Variants in FNBP1 observed in about 807,000 individuals in gnomAD.
FNBP1 encodes formin binding protein 1, also known as formin-binding protein 1.
FNBP1 carries 26 observed loss-of-function variants against 90.6 expected under a neutral mutation model. The ratio of observed to expected loss-of-function variants is 0.29; its 90% confidence interval spans 0.21 to 0.40. The LOEUF is 0.40. Ranked by LOEUF, FNBP1 falls within the 10% of genes least tolerant of loss-of-function variation. FNBP1 has a pLI of 1.00. For missense variants in FNBP1, 635 were observed against 768.0 expected (o/e 0.83, Z 2.05); for synonymous variants, 260 against 265.2 (o/e 0.98, Z 0.19).
chr9:130,042,564 C>T lies in FNBP1; in HGVS notation c.24+388G>A, dbSNP rs2132473557. Among the ~76,000 whole-genome samples the T allele has an allele frequency of 6.6e-6, 1 of 151,892 alleles. No individual in the cohort carries two copies. Among genetic ancestry groups the T allele is most frequent in the Non-Finnish European group, 1.5e-5 (1 of 67,904 alleles). On this transcript the variant is annotated intron_variant, in intron 1 of 16. Transcript: ENST00000446176. The surrounding 1 kb of genome is among the most constrained non-coding windows in gnomAD (Gnocchi z 5.5). ...CGGGGCGCCCCGAGACCCAACGCAG[C>T]GCCGCGCAGCCGGGGCCTCCACGCC...
chr9:130,034,053 G>C (rs2059069043), intron 1 of FNBP1, among the ~76,000 whole-genome samples: 1 of 150,300 alleles, frequency 6.7e-6, no homozygotes, highest in African/African-American at 2.5e-5. Context: ...CAGCTGCGGT[G>C]GCTCACACCT....
At chr9:129,945,062 C>T (rs77839090) in intron 6 of FNBP1, among the ~76,000 whole-genome samples, 1,985 of 152,086 alleles carry the variant, frequency 0.013, 19 homozygotes, top group Middle Eastern at 0.024. Context: ...GGTATGAGAA[C>T]GATGCTGCTT....
At chr9:129,897,757 A>T (rs2036043616) in intron 15 of FNBP1, among the ~76,000 whole-genome samples, 1 of 150,322 alleles carries the variant, frequency 6.7e-6, no homozygotes, top group African/African-American at 2.5e-5. Context: ...AGCTTCTTTC[A>T]TGGCCTCCTT....
At chr9:130,037,227 G>C (rs1296360475) in intron 1 of FNBP1, among the ~76,000 whole-genome samples, 1 of 151,832 alleles carries the variant, frequency 6.6e-6, no homozygotes, top group African/African-American at 2.4e-5. Context: ...GGGCATGGTG[G>C]TGGGGGCCTG....
Position 129,890,584 on chromosome 9 carries a change from T to G in FNBP1, c.1847-38A>C, listed in dbSNP as rs767196339. 1 of 1,561,642 alleles carries G rather than the reference T, an allele frequency of 6.4e-7. No homozygotes were observed. ...GAGAAACAGAAAGAGAAACTCTCTGTTAGAGAGGAAGGCGCGGGTTCCAGG... is the reference window on the plus strand; with the variant it reads ...GAGAAACAGAAAGAGAAACTCTCTGGTAGAGAGGAAGGCGCGGGTTCCAGG... On this transcript the variant is annotated intron_variant, in intron 16 of 16. Transcript: ENST00000446176. This position sits in a 1 kb window ranked among gnomAD's most constrained non-coding sequence, Gnocchi z 5.8.
chr9:130,008,957 T>A (rs2056181429), intron 1 of FNBP1, among the ~76,000 whole-genome samples: 1 of 152,144 alleles, frequency 6.6e-6, no homozygotes, highest in South Asian at 2.1e-4. Flanking sequence ...CAGGGAGAAC[T>A]TTGAATGCAA....
chr9:130,016,466 G>A (rs774363432), intron 1 of FNBP1, among the ~76,000 whole-genome samples: 3 of 152,130 alleles, frequency 2.0e-5, no homozygotes, highest in East Asian at 1.9e-4. Context: ...TGCTGAGGCC[G>A]GGCATGGGGG....
In FNBP1 at chr9:129,960,827, C is replaced by A. The variant is rs562486414; in HGVS notation, c.346-2274G>T. ...GTGAGAGGGGTCAGGTTTTGGGCAC[C>A]TTTTGATCACCCAAACTTCCAGGAT... On this transcript the variant is annotated intron_variant, in intron 4 of 16. Coordinates refer to ENST00000446176, the MANE Select transcript of FNBP1 (RefSeq NM_015033.3). Among the ~76,000 whole-genome samples the A allele has an allele frequency of 4.6e-5, 7 of 152,082 alleles. 2 individuals are homozygous for A. Among genetic ancestry groups the A allele is most frequent in the African/African-American group, 1.7e-4 (7 of 41,460 alleles).
chr9:130,003,068 T>C (rs80150610), intron 1 of FNBP1, among the ~76,000 whole-genome samples: 1,857 of 152,154 alleles, frequency 0.012, 24 homozygotes, highest in Middle Eastern at 0.054. Context: ...ATATTCTGAT[T>C]AAGTTACAAT....
At chr9:130,022,352 G>A (rs562546530) in intron 1 of FNBP1, among the ~76,000 whole-genome samples, 17 of 151,742 alleles carry the variant, frequency 1.1e-4, no homozygotes, top group South Asian at 2.1e-4. Context: ...TTACAGGCAC[G>A]CGCCAAGATG....
At chr9:129,912,475 G>A (rs1439223919) in intron 11 of FNBP1, among the ~76,000 whole-genome samples, 3 of 152,078 alleles carry the variant, frequency 2.0e-5, no homozygotes, top group African/African-American at 7.2e-5. Flanking sequence ...GATCACCTGA[G>A]GTCGGGAGTT....
intron 6 of FNBP1, among the ~76,000 whole-genome samples, chr9:129,955,712 C>T (rs2046828177): frequency 6.6e-6 from 1 of 150,848 alleles, no homozygotes; most frequent in African/African-American, 2.4e-5. Flanking sequence ...TACAGCGAGA[C>T]TCTGTCTCAA....
chr9:129,981,467 C>A (rs1042711655), intron 2 of FNBP1, among the ~76,000 whole-genome samples: 10 of 152,282 alleles, frequency 6.6e-5, no homozygotes, highest in Admixed American at 2.0e-4. Context: ...TGTTGCTATT[C>A]CTCTTTATTA....
chr9:130,008,283 G>A (rs1353450065), intron 1 of FNBP1, among the ~76,000 whole-genome samples: 1 of 151,810 alleles, frequency 6.6e-6, no homozygotes, highest in African/African-American at 2.4e-5. Context: ...TGGGGAGGTC[G>A]AGGCTGCAGT....
intron 2 of FNBP1, among the ~76,000 whole-genome samples, chr9:129,990,227 T>C (rs1348189097): frequency 6.6e-6 from 1 of 152,138 alleles, no homozygotes; most frequent in Admixed American, 6.5e-5. Flanking sequence ...ACAAATAATA[T>C]AGAAATACAT....
chr9:129,970,873 A>AATC (rs1383372958), intron 4 of FNBP1, among the ~76,000 whole-genome samples: 1 of 151,868 alleles, frequency 6.6e-6, no homozygotes, highest in African/African-American at 2.4e-5. Flanking sequence ...CTTTTTAGTG[A>AATC]ATCTGCTTTT....
chr9:129,914,757 C>CA (rs2039964918), intron 11 of FNBP1, among the ~76,000 whole-genome samples: 1 of 109,992 alleles, frequency 9.1e-6, no homozygotes, highest in Non-Finnish European at 1.8e-5. Context: ...ATACATATGT[C>CA]TATATATATA....
intron 2 of FNBP1, among the ~76,000 whole-genome samples, chr9:129,992,022 T>A (rs192191910): frequency 2.6e-4 from 40 of 152,246 alleles, no homozygotes; most frequent in Middle Eastern, 3.4e-3. Context: ...AGGAGAGAGG[T>A]CTGGCTTAGA....
chr9:129,971,434 A>C (rs1204089964), intron 4 of FNBP1, among the ~76,000 whole-genome samples: 1 of 152,058 alleles, frequency 6.6e-6, no homozygotes, highest in Non-Finnish European at 1.5e-5. Context: ...TCTGTCACTC[A>C]GGCTGGAGTG....
Sources: gnomAD v4.1 joint callset for allele counts (sites outside exome capture counted in the v4.1 genomes callset) on GRCh38, gnomAD v4.1.1 for gene constraint, Gnocchi (gnomAD v3.1) non-coding constraint, MANE v1.5 for transcripts, NCBI Gene and HGNC (gene_info 2026-07-23, HGNC 2026-07-21) for gene names.